GLB1L3: variants seen among roughly 807,000 people sequenced by gnomAD.
GLB1L3 encodes beta-galactosidase-1-like protein 3.
A neutral mutation model predicts 89.5 loss-of-function variants in GLB1L3; 89 were observed. The ratio of observed to expected loss-of-function variants is 0.99; its 90% CI spans 0.84 to 1.19. The LOEUF (loss-of-function observed/expected upper bound fraction) is 1.19, where lower values mean the gene tolerates loss of function less well. GLB1L3 is among the 50% of genes most tolerant of loss of function. GLB1L3 has a pLI of 0.00. For synonymous variants in GLB1L3, 314 were observed against 312.3 expected, an observed-to-expected ratio of 1.01 and a Z score of -0.06; for missense variants, 812 against 813.3, an observed-to-expected ratio of 1.00 and a Z score of 0.02.
chr11:134,279,240 G>A (rs909183374), intron 3 of GLB1L3, among the ~76,000 whole-genome samples: 1 of 152,092 alleles, frequency 6.6e-6, no homozygotes, highest in Non-Finnish European at 1.5e-5. Context: ...TTTGTGAGGT[G>A]AAGGGTTTGG....
chr11:134,277,383 A>G lies in GLB1L3; in HGVS notation c.81A>G (p.Ser27=). ...AGIFFLPFIS[S]GFAPRFKQEE... ...TCTTTTTCCTGCCATTTATCTCATC[A>G]GGTTTTGCTCCTCGGTTTAAGCAGG... The change falls in exon 2 of 20, where the codon TCA becomes TCG. Residue 27 remains serine, a synonymous_variant. Coordinates refer to ENST00000431683, the MANE Select transcript of GLB1L3 (RefSeq NM_001080407.3). 1.2e-6 allele frequency: 2 copies of G among 1,613,924 alleles called. No individual in the cohort carries two copies. The highest frequency in any genetic ancestry group is 1.3e-5 in the African/African-American group (1 of 75,046).
intron 16 of GLB1L3, 73 bp downstream of exon 16, chr11:134,313,547 G>C: frequency 8.1e-7 from 1 of 1,240,100 alleles, no homozygotes; most frequent in East Asian, 2.5e-5. Flanking sequence ...AGTCGGGGGC[G>C]GGAGAGGGTG....
chr11:134,299,626 C>T (rs1372511941), intron 9 of GLB1L3, among the ~76,000 whole-genome samples: 3 of 152,162 alleles, frequency 2.0e-5, no homozygotes, highest in African/African-American at 7.2e-5. Flanking sequence ...TGAGTCTCGC[C>T]TTTGCATTGA....
chr11:134,276,889 C>A, intron 1 of GLB1L3, 126 bp downstream of exon 1: 2 of 848,014 alleles, frequency 2.4e-6, no homozygotes, highest in Non-Finnish European at 3.2e-6. Flanking sequence ...GCCGCGCCAC[C>A]AAGCCCGCTG....
rs868333453 is a variant in GLB1L3, at chr11:134,297,900, T to A, written c.876+4691T>A. ...AAAAAGAAAGAAAGAGAGAAAAAAA[T>A]ATATATATATAATTTAAAAATTAAC... On this transcript the variant is annotated intron_variant, in intron 9 of 19. Coordinates refer to ENST00000431683, the MANE Select transcript of GLB1L3 (RefSeq NM_001080407.3). 8.4e-3 allele frequency among the ~76,000 whole-genome samples: 1,055 copies of A among 125,364 alleles called. 13 individuals carry two copies. Among genetic ancestry groups the A allele is most frequent in the African/African-American group, 0.024 (837 of 34,380 alleles). 82.2% of individuals were successfully genotyped at this position (125,364 alleles called of 152,430 possible).
At chr11:134,283,613 G>GTGAGGCACACT in intron 5 of GLB1L3, 124 bp from the exon 6 acceptor site, 2 of 601,380 alleles carry the variant, frequency 3.3e-6, no homozygotes, top group South Asian at 4.0e-5. Flanking sequence ...GGACCCGAGT[G>GTGAGGCACACT]CTCCGGGACC....
chr11:134,296,497 G>A (rs1455603494), intron 9 of GLB1L3, among the ~76,000 whole-genome samples: 3 of 134,898 alleles, frequency 2.2e-5, no homozygotes, highest in Admixed American at 1.5e-4. Context: ...ATACACCATG[G>A]AATACTATGC....
At position 134,318,828 on chromosome 11, in the gene GLB1L3, A is replaced by G. The variant is rs747596593; in HGVS notation, c.1897-49A>G. On this transcript the variant is annotated intron_variant, in intron 19 of 19. Transcript: ENST00000431683. ...AGTTGCAGTGTCTTTTTCAACCTGT[A>G]CTAAATAGGCTTCACCTTTCCCACT... The G allele has an allele frequency of 4.3e-5, 67 of 1,565,506 alleles. 1 individual carries two copies. The highest frequency in any genetic ancestry group is 4.9e-5 in the Non-Finnish European group (56 of 1,135,988).
chr11:134,294,329 A>G (rs1941521042), intron 9 of GLB1L3, among the ~76,000 whole-genome samples: 1 of 152,090 alleles, frequency 6.6e-6, no homozygotes, highest in African/African-American at 2.4e-5. Context: ...TGGCCTCCCA[A>G]AGTGCTGGGA....
Position 134,308,497 on chromosome 11 carries a change from A to ACT in GLB1L3, c.962-1129_962-1128insCT, listed in dbSNP as rs1565414065. On this transcript the variant is annotated intron_variant, in intron 10 of 19. Coordinates refer to ENST00000431683, the MANE Select transcript of GLB1L3 (RefSeq NM_001080407.3). ...AAATACCACCACCACCATCACCACC[A>ACT]AATACCACCACCACCACCACCATGT... Among the ~76,000 whole-genome samples the ACT allele has an allele frequency of 3.0e-3, 19 of 6,364 alleles. 1 individual carries two copies. Among genetic ancestry groups the ACT allele is most frequent in the Non-Finnish European group, 4.0e-3 (12 of 2,996 alleles). The allele number at this position is 6,364 out of a possible 152,430, so 4.2% of individuals were successfully genotyped here.
intron 18 of GLB1L3, among the ~76,000 whole-genome samples, chr11:134,315,059 C>T (rs1162543184): frequency 1.3e-5 from 2 of 152,136 alleles, no homozygotes; most frequent in African/African-American, 2.4e-5. Flanking sequence ...GCCAGTGTCT[C>T]CTATTTTGAC....
chr11:134,290,009 T>A (rs1941257716), intron 7 of GLB1L3, among the ~76,000 whole-genome samples: 5 of 151,768 alleles, frequency 3.3e-5, no homozygotes, highest in Admixed American at 3.3e-4. Context: ...AGGAGAGGGG[T>A]CCCCAGCTGG....
In GLB1L3 at chr11:134,288,787, T is replaced by C. The variant is rs477832; in HGVS notation, c.637-11T>C. The C allele has an allele frequency of 0.011, 18,450 of 1,608,304 alleles. 156 individuals are homozygous for C. The highest frequency in any genetic ancestry group is 0.013 in the Non-Finnish European group (15,185 of 1,176,112). ...GCCTCACTCTTTAACCCTCCTATGC[T>C]TGTTTCTCAGTACCGCCAGGCAGGC... On this transcript the variant is annotated splice_polypyrimidine_tract_variant and intron_variant, in intron 6 of 19. Coordinates refer to ENST00000431683, the MANE Select transcript of GLB1L3 (RefSeq NM_001080407.3).
chr11:134,280,761 A>T (rs926595609), intron 3 of GLB1L3, among the ~76,000 whole-genome samples: 3 of 152,200 alleles, frequency 2.0e-5, no homozygotes, highest in Non-Finnish European at 4.4e-5. Context: ...CACTGCACAA[A>T]ATTGTGTAAT....
chr11:134,310,502 G>A, intron 11 of GLB1L3, 69 bp from the exon 12 acceptor site: 1 of 1,229,748 alleles, frequency 8.1e-7, no homozygotes, highest in Non-Finnish European at 1.2e-6. Context: ...GCCATCTCCT[G>A]CCAGCGGTGC....
chr11:134,297,059 C>T (rs981509237), intron 9 of GLB1L3, among the ~76,000 whole-genome samples: 6 of 151,792 alleles, frequency 4.0e-5, no homozygotes, highest in South Asian at 2.1e-4. Flanking sequence ...TTTTCTTTTA[C>T]GCCTATTAGT....
At chr11:134,314,300 T>C (rs2136229517) in intron 17 of GLB1L3, 30 bp from the exon 18 acceptor site, 2 of 1,455,780 alleles carry the variant, frequency 1.4e-6, no homozygotes, top group Non-Finnish European at 1.9e-6. Context: ...AGGGGACTTC[T>C]TCTCCCCCAT....
chr11:134,307,909 G>A (rs1942274149), intron 10 of GLB1L3, among the ~76,000 whole-genome samples: 1 of 152,166 alleles, frequency 6.6e-6, no homozygotes, highest in South Asian at 2.1e-4. Context: ...TGTGTCTACA[G>A]AAGATATTTC....
intron 11 of GLB1L3, 65 bp from the exon 12 acceptor site, chr11:134,310,506 G>T: frequency 2.4e-6 from 3 of 1,264,418 alleles, no homozygotes; most frequent in Non-Finnish European, 3.4e-6. Context: ...TCTCCTGCCA[G>T]CGGTGCTGAA....
Sources: gnomAD v4.1 joint callset for allele counts (sites outside exome capture counted in the v4.1 genomes callset) on GRCh38, gnomAD v4.1.1 for gene constraint, MANE v1.5 for transcripts, NCBI Gene and HGNC (gene_info 2026-07-23, HGNC 2026-07-21) for gene names.